DYNC1I1: variants seen among roughly 807,000 people sequenced by gnomAD.
The protein encoded by DYNC1I1 is cytoplasmic dynein 1 intermediate chain 1.
A neutral mutation model predicts 86.6 loss-of-function variants in DYNC1I1; 43 were observed. The observed-to-expected ratio is 0.50, with a 90% CI of 0.39 to 0.64. The LOEUF (loss-of-function observed/expected upper bound fraction) is 0.64. Among genes scored for constraint, DYNC1I1 ranks in the 30% least tolerant of loss-of-function variants. The pLI is 0.00. For missense variants in DYNC1I1, 604 were observed against 788.8 expected (o/e 0.77, Z 2.81); for synonymous variants, 262 against 283.7 (o/e 0.92, Z 0.77).
chr7:96,074,347 A>C (rs931820191), intron 14 of DYNC1I1, among the ~76,000 whole-genome samples: 8 of 152,128 alleles, frequency 5.3e-5, no homozygotes, highest in Non-Finnish European at 8.8e-5. Context: ...CAGGAGATCG[A>C]GACCATCCTG....
intron 1 of DYNC1I1, among the ~76,000 whole-genome samples, chr7:95,778,130 T>G (rs1793893340): frequency 6.6e-6 from 1 of 152,174 alleles, no homozygotes; most frequent in Admixed American, 6.5e-5. Flanking sequence ...CACAGTAAAA[T>G]TTGGGATTTC....
intron 6 of DYNC1I1, among the ~76,000 whole-genome samples, chr7:95,945,423 C>G (rs2116462009): frequency 6.6e-6 from 1 of 152,260 alleles, no homozygotes; most frequent in Non-Finnish European, 1.5e-5. Flanking sequence ...AATATTCCTT[C>G]AGTTTAAATT....
In DYNC1I1 at chr7:95,921,395, G is replaced by A. The variant is rs943362987; in HGVS notation, c.490+51397G>A. 1.6e-4 allele frequency among the ~76,000 whole-genome samples: 24 copies of A among 152,142 alleles called. 1 individual carries two copies. The highest frequency in any genetic ancestry group is 6.5e-5 in the Admixed American group (1 of 15,276). ...GGACAAGGAGACACTTTCTGGGAGAGCCCTTGTGTGAGGCCCAAGCCCCAA... is the reference window on the plus strand; with the variant it reads ...GGACAAGGAGACACTTTCTGGGAGAACCCTTGTGTGAGGCCCAAGCCCCAA... On this transcript the variant is annotated intron_variant, in intron 6 of 16. Transcript: ENST00000447467.
At position 95,860,460 on chromosome 7, in the gene DYNC1I1, C is replaced by T. The variant is rs556558286; in HGVS notation, c.375-9423C>T. On this transcript the variant is annotated intron_variant, in intron 5 of 16. Coordinates refer to ENST00000447467, the MANE Select transcript of DYNC1I1 (RefSeq NM_001135556.2). ...ATGGCAGCATCTTTAATGTATCTGACGATGAAATATCGTGATGTGAATAGC... is the reference window on the plus strand; with the variant it reads ...ATGGCAGCATCTTTAATGTATCTGATGATGAAATATCGTGATGTGAATAGC... 9.2e-5 allele frequency among the ~76,000 whole-genome samples: 14 copies of T among 152,222 alleles called. No homozygotes were observed. In the East Asian group the frequency reaches 9.6e-4, roughly 10 times the overall value.
chr7:96,045,468 A>G (rs1192845920), intron 14 of DYNC1I1, among the ~76,000 whole-genome samples: 1 of 152,142 alleles, frequency 6.6e-6, no homozygotes, highest in Non-Finnish European at 1.5e-5. Context: ...GTCCTCAGTG[A>G]ATTAGGAGGA....
At chr7:95,902,241 G>T (rs1017539696) in intron 6 of DYNC1I1, among the ~76,000 whole-genome samples, 1 of 152,092 alleles carries the variant, frequency 6.6e-6, no homozygotes, top group Non-Finnish European at 1.5e-5. Flanking sequence ...GTTTTTTCCT[G>T]CTATTGAGCA....
chr7:95,844,942 AC>A (rs1276538102), intron 5 of DYNC1I1, among the ~76,000 whole-genome samples: 1 of 152,204 alleles, frequency 6.6e-6, no homozygotes, highest in African/African-American at 2.4e-5. Context: ...TTAGTTTATA[AC>A]AGTAGTATAA....
chr7:95,907,871 A>G (rs1325822423), intron 6 of DYNC1I1, among the ~76,000 whole-genome samples: 2 of 152,028 alleles, frequency 1.3e-5, no homozygotes, highest in African/African-American at 4.8e-5. Context: ...GTAGAAAAGC[A>G]TTGTCAAATT....
At chr7:95,956,786 T>C (rs1307491133) in intron 6 of DYNC1I1, among the ~76,000 whole-genome samples, 3 of 152,236 alleles carry the variant, frequency 2.0e-5, no homozygotes, top group African/African-American at 7.2e-5. Flanking sequence ...CTATCATTGA[T>C]GGGCATTTGG....
intron 6 of DYNC1I1, among the ~76,000 whole-genome samples, chr7:95,910,303 A>G (rs1170899341): frequency 2.0e-5 from 3 of 152,222 alleles, no homozygotes; most frequent in African/African-American, 7.2e-5. Context: ...CTGAAATAAT[A>G]CAGCTTCCTA....
intron 16 of DYNC1I1, among the ~76,000 whole-genome samples, chr7:96,108,061 T>C (rs531842984): frequency 6.6e-6 from 1 of 152,298 alleles, no homozygotes; most frequent in South Asian, 2.1e-4. Flanking sequence ...TTGGCTAGGA[T>C]GCCATCTTTC....
In DYNC1I1 at chr7:95,846,935, G is replaced by A. The variant is rs371292669; in HGVS notation, c.374+18819G>A. On this transcript the variant is annotated intron_variant, in intron 5 of 16. Transcript: ENST00000447467. ...CAACATTTTCTCTATGACTCCATTG[G>A]GTGGCTCCCAGGTCCTCATTTTGAA... is the stretch of plus-strand genomic sequence containing the variant. Among the ~76,000 whole-genome samples the A allele has an allele frequency of 9.2e-4, 140 of 152,008 alleles. 3 individuals are homozygous for A. The South Asian group carries it at 0.029, about 31-fold the overall frequency.
intron 14 of DYNC1I1, among the ~76,000 whole-genome samples, chr7:96,071,282 C>CT: frequency 6.6e-6 from 1 of 152,230 alleles, no homozygotes; most frequent in East Asian, 1.9e-4. Context: ...TTTTTACATA[C>CT]TTTTTTTCCA....
At chr7:95,997,714 A>G (rs368089765) in intron 10 of DYNC1I1, among the ~76,000 whole-genome samples, 60 of 152,018 alleles carry the variant, frequency 3.9e-4, no homozygotes, top group African/African-American at 1.2e-3. Context: ...TGAGAAGAAA[A>G]TATACTCGTG....
intron 6 of DYNC1I1, among the ~76,000 whole-genome samples, chr7:95,879,379 C>CTT (rs36057070): frequency 2.0e-4 from 30 of 150,898 alleles, no homozygotes; most frequent in South Asian, 4.2e-4. Context: ...CTCCATTGTT[C>CTT]TTTTTTTTTG....
intron 4 of DYNC1I1, among the ~76,000 whole-genome samples, chr7:95,821,091 A>C (rs1424127221): frequency 6.6e-6 from 1 of 152,230 alleles, no homozygotes; most frequent in Non-Finnish European, 1.5e-5. Context: ...TTTTGGAATC[A>C]ACTTGCCCTC....
chr7:95,847,386 C>G (rs1789461898), intron 5 of DYNC1I1, among the ~76,000 whole-genome samples: 1 of 152,172 alleles, frequency 6.6e-6, no homozygotes, highest in South Asian at 2.1e-4. Context: ...CCTACCCAAC[C>G]ATCCGCCTTT....
At chr7:96,030,255 GATAA>G (rs1399739632) in intron 11 of DYNC1I1, among the ~76,000 whole-genome samples, 1 of 151,402 alleles carries the variant, frequency 6.6e-6, no homozygotes, top group East Asian at 1.9e-4. Context: ...TTATTTCCAA[GATAA>G]ATAAAAACAA....
chr7:95,892,454 A>G (rs1174390429), intron 6 of DYNC1I1, among the ~76,000 whole-genome samples: 2 of 151,672 alleles, frequency 1.3e-5, no homozygotes, highest in East Asian at 2.0e-4. Context: ...GGGACTACAG[A>G]TGCCTGCCAC....
Sources: allele counts gnomAD v4.1 joint callset (sites outside exome capture counted in the v4.1 genomes callset), GRCh38; gene constraint gnomAD v4.1.1; transcripts MANE v1.5; gene names NCBI Gene and HGNC (gene_info 2026-07-23, HGNC 2026-07-21).